The following PRKN variants were observed in gnomAD, a reference collection of about 807,000 sequenced individuals.
PRKN encodes parkin RBR E3 ubiquitin protein ligase, also known as E3 ubiquitin-protein ligase parkin.
In PRKN, 56 loss-of-function variants were observed where a neutral mutation model predicts 59.5. That is an observed-to-expected ratio of 0.94 (90% CI 0.76 to 1.18). PRKN has a LOEUF of 1.18. PRKN is among the 50% of genes most tolerant of loss of function. The probability of loss-of-function intolerance (pLI) is 0.00; values close to 1 mark genes in which losing one functional copy is unlikely to be tolerated. For synonymous variants in PRKN, 250 were observed against 222.1 expected, an observed-to-expected ratio of 1.13 and a Z score of -1.12; for missense variants, 657 against 596.4, an observed-to-expected ratio of 1.10 and a Z score of -1.06.
chr6:162,128,927 C>T (rs1483121792), intron 4 of PRKN, among the ~76,000 whole-genome samples: 3 of 152,194 alleles, frequency 2.0e-5, no homozygotes, highest in South Asian at 2.1e-4. Context: ...AGAATTGCTG[C>T]TGTTTCTAAG....
chr6:162,563,321 A>C lies in PRKN; in HGVS notation c.8-119848T>G, dbSNP rs1445262678. ...TCCATCTTAAAAAACAAAAAACAAAAAAAAAAAAACAAAAAAAGAGAAAGC... is the reference window on the plus strand; with the variant it reads ...TCCATCTTAAAAAACAAAAAACAAACAAAAAAAAACAAAAAAAGAGAAAGC... On this transcript the variant is annotated intron_variant, in intron 1 of 11. Coordinates refer to ENST00000366898, the MANE Select transcript of PRKN (RefSeq NM_004562.3). 8.9e-5 allele frequency among the ~76,000 whole-genome samples: 3 copies of C among 33,724 alleles called. No individual in the cohort carries two copies. In the East Asian group the frequency reaches 7.1e-3, roughly 80 times the overall value. The allele number at this position is 33,724 out of a possible 152,430, so 22.1% of individuals were successfully genotyped here.
intron 1 of PRKN, among the ~76,000 whole-genome samples, chr6:162,478,245 G>A (rs779200098): frequency 1.1e-4 from 16 of 152,226 alleles, no homozygotes; most frequent in African/African-American, 2.9e-4. Context: ...TTCAGGCTGC[G>A]GCTCAGAGTT....
chr6:161,509,446 G>A (rs1044849400), intron 9 of PRKN, among the ~76,000 whole-genome samples: 3 of 152,136 alleles, frequency 2.0e-5, no homozygotes, highest in Non-Finnish European at 2.9e-5. Context: ...TGGAGAATAG[G>A]GGGCAGCCAG....
intron 1 of PRKN, among the ~76,000 whole-genome samples, chr6:162,637,283 CCA>C (rs1343814212): frequency 6.6e-5 from 9 of 136,268 alleles, no homozygotes; most frequent in African/African-American, 1.4e-4. Flanking sequence ...GCCCCCCCCC[CCA>C]AAAAAAAGCA....
At chr6:161,512,406 G>A (rs529373375) in intron 9 of PRKN, among the ~76,000 whole-genome samples, 2 of 152,298 alleles carry the variant, frequency 1.3e-5, no homozygotes, top group Admixed American at 1.3e-4. Flanking sequence ...AAATGAATCT[G>A]ATGAAGTGTA....
At chr6:162,548,314 C>T (rs1315079330) in intron 1 of PRKN, among the ~76,000 whole-genome samples, 1 of 152,112 alleles carries the variant, frequency 6.6e-6, no homozygotes, top group East Asian at 1.9e-4. Context: ...GCCTCAGCCT[C>T]CCAAAGCGCT....
intron 1 of PRKN, among the ~76,000 whole-genome samples, chr6:162,571,597 T>A (rs2128208852): frequency 6.6e-6 from 1 of 152,180 alleles, no homozygotes; most frequent in South Asian, 2.1e-4. Flanking sequence ...TAGATGTGAC[T>A]TCCCCACACG....
intron 2 of PRKN, among the ~76,000 whole-genome samples, chr6:162,274,275 C>T (rs1306694250): frequency 6.6e-6 from 1 of 152,034 alleles, no homozygotes; most frequent in African/African-American, 2.4e-5. Context: ...GCAGTCTCGG[C>T]TTCCAGGGCT....
rs550250862 is a variant in PRKN at position 161,444,740 on chromosome 6, A to C, written c.1084-57863T>G. Among the ~76,000 whole-genome samples the C allele has an allele frequency of 2.6e-5, 4 of 152,322 alleles. No homozygotes were observed. In the East Asian group the frequency reaches 7.7e-4, roughly 29 times the overall value. On this transcript the variant is annotated intron_variant, in intron 9 of 11. Transcript: ENST00000366898. The surrounding 1 kb of genome is among the most constrained non-coding windows in gnomAD (Gnocchi z 5.6). The stretch of plus-strand genomic sequence containing the variant: ...TGGAAACATTTGTTCCCCTTGATGA[A>C]TGAAACGGCACTCTTGACATGCTGT...
intron 2 of PRKN, among the ~76,000 whole-genome samples, chr6:162,299,409 T>C (rs979621465): frequency 6.6e-6 from 1 of 152,144 alleles, no homozygotes; most frequent in Non-Finnish European, 1.5e-5. Context: ...TAGAACACTA[T>C]TCTTTTCTCC....
chr6:161,687,575 G>A (rs1027026838), intron 7 of PRKN, among the ~76,000 whole-genome samples: 4 of 147,080 alleles, frequency 2.7e-5, no homozygotes, highest in Non-Finnish European at 5.9e-5. Flanking sequence ...TTCTGCCTCA[G>A]CTTCCTGAGT....
In PRKN at chr6:161,665,383, T is replaced by C. The variant is rs77798180; in HGVS notation, c.872-95967A>G. ...ACCTATGAAGATCTTAAACATTTTTTTTCTGTTGATTTTCTTGAGTTTTCA... is the reference window on the plus strand; with the variant it reads ...ACCTATGAAGATCTTAAACATTTTTCTTCTGTTGATTTTCTTGAGTTTTCA... On this transcript the variant is annotated intron_variant, in intron 7 of 11. Transcript: ENST00000366898. Among the ~76,000 whole-genome samples the C allele has an allele frequency of 4.2e-3, 633 of 152,304 alleles. 6 individuals are homozygous for C. Among genetic ancestry groups the C allele is most frequent in the African/African-American group, 0.015 (604 of 41,566 alleles).
At chr6:161,690,387 C>T (rs1370549520) in intron 7 of PRKN, among the ~76,000 whole-genome samples, 1 of 152,184 alleles carries the variant, frequency 6.6e-6, no homozygotes, top group Non-Finnish European at 1.5e-5. Flanking sequence ...GCAGGCTGAG[C>T]TCCATTATGG....
chr6:162,550,492 G>C (rs960260789), intron 1 of PRKN, among the ~76,000 whole-genome samples: 1 of 152,092 alleles, frequency 6.6e-6, no homozygotes, highest in Non-Finnish European at 1.5e-5. Context: ...TTGGGAGAAG[G>C]AGGAGCTGAA....
At chr6:162,343,330 CT>C (rs1185042845) in intron 2 of PRKN, among the ~76,000 whole-genome samples, 1 of 152,148 alleles carries the variant, frequency 6.6e-6, no homozygotes, top group Non-Finnish European at 1.5e-5. Context: ...ACCTCACATT[CT>C]CCACCCCTTT....
intron 7 of PRKN, among the ~76,000 whole-genome samples, chr6:161,722,287 C>T (rs1049137286): frequency 5.9e-5 from 9 of 152,230 alleles, no homozygotes; most frequent in African/African-American, 1.7e-4. Flanking sequence ...TTGATTTTTA[C>T]GTAACTGGAT....
intron 7 of PRKN, among the ~76,000 whole-genome samples, chr6:161,718,558 G>A (rs1316330647): frequency 2.0e-5 from 3 of 150,412 alleles, no homozygotes; most frequent in African/African-American, 7.5e-5. Context: ...GAGATGTGCT[G>A]GGCAAAGGTG....
In PRKN at chr6:162,339,623, C is replaced by A. The variant is rs541860019; in HGVS notation, c.172-76858G>T. On this transcript the variant is annotated intron_variant, in intron 2 of 11. Transcript: ENST00000366898. Reference sequence around the variant, plus strand: ...AGGAGCCCCTCTGCCTGGCCACCACCCCGTCTGGGAGGTGTACCCAACAGC... The same window carrying A: ...AGGAGCCCCTCTGCCTGGCCACCACACCGTCTGGGAGGTGTACCCAACAGC... Among the ~76,000 whole-genome samples, 19 of 152,058 alleles carry A rather than the reference C, an allele frequency of 1.2e-4. No homozygotes were observed. The East Asian group carries it at 3.5e-3, about 28-fold the overall frequency.
chr6:161,901,107 G>A (rs1324778574), intron 6 of PRKN, among the ~76,000 whole-genome samples: 2 of 151,580 alleles, frequency 1.3e-5, no homozygotes, highest in Non-Finnish European at 2.9e-5. Flanking sequence ...TAGTAGAGAT[G>A]GGGTTTTGCC....
Sources: allele counts gnomAD v4.1 joint callset (sites outside exome capture counted in the v4.1 genomes callset), GRCh38; gene constraint gnomAD v4.1.1; non-coding constraint Gnocchi (gnomAD v3.1); transcripts MANE v1.5; gene names NCBI Gene and HGNC (gene_info 2026-07-23, HGNC 2026-07-21).